Variants in GNAQ observed in about 807,000 individuals in gnomAD.
The protein encoded by GNAQ is guanine nucleotide-binding protein G(q) subunit alpha.
GNAQ carries 8 observed loss-of-function variants against 43.9 expected under a neutral mutation model. The observed-to-expected ratio is 0.18, with a 90% confidence interval of 0.11 to 0.33. The LOEUF (loss-of-function observed/expected upper bound fraction) is 0.33, where lower values mean the gene tolerates loss of function less well. Among genes scored for constraint, GNAQ ranks in the 10% least tolerant of loss-of-function variants. GNAQ has a pLI of 1.00. For synonymous variants in GNAQ, 155 were observed against 170.7 expected (o/e 0.91, Z 0.71); for missense variants, 158 against 450.8 (o/e 0.35, Z 5.88).
At chr9:77,989,833 AC>A (rs1823487223) in intron 1 of GNAQ, among the ~76,000 whole-genome samples, 1 of 152,224 alleles carries the variant, frequency 6.6e-6, no homozygotes, top group South Asian at 2.1e-4. Context: ...ATCTAGTATT[AC>A]AGCTGAAAGT....
intron 2 of GNAQ, among the ~76,000 whole-genome samples, chr9:77,864,219 G>A (rs1002111646): frequency 3.9e-4 from 59 of 149,856 alleles, no homozygotes; most frequent in African/African-American, 1.4e-3. Context: ...CTAACAGAGC[G>A]CGAATGCACT....
At chr9:77,751,456 G>A (rs1587897653) in intron 5 of GNAQ, among the ~76,000 whole-genome samples, 3 of 152,122 alleles carry the variant, frequency 2.0e-5, no homozygotes, top group South Asian at 4.1e-4. Flanking sequence ...TAATTTTCAC[G>A]TAATAAATTC....
intron 1 of GNAQ, among the ~76,000 whole-genome samples, chr9:78,009,558 T>C (rs1823748995): frequency 1.3e-5 from 2 of 152,218 alleles, no homozygotes; most frequent in Non-Finnish European, 2.9e-5. Context: ...CAACTGGAGA[T>C]ACAGAATGAC....
intron 1 of GNAQ, among the ~76,000 whole-genome samples, chr9:77,938,031 C>T (rs1213978659): frequency 3.3e-5 from 5 of 152,070 alleles, no homozygotes; most frequent in African/African-American, 9.7e-5. Flanking sequence ...ACCCCTCCAC[C>T]GATACCAAAA....
chr9:77,882,029 T>C (rs1828216811), intron 2 of GNAQ, among the ~76,000 whole-genome samples: 1 of 152,090 alleles, frequency 6.6e-6, no homozygotes, highest in East Asian at 1.9e-4. Flanking sequence ...TCCCAGTTAC[T>C]TGAGAGGCTG....
chr9:77,887,939 A>G (rs1828338958), intron 2 of GNAQ, among the ~76,000 whole-genome samples: 2 of 152,348 alleles, frequency 1.3e-5, no homozygotes, highest in East Asian at 1.9e-4. Context: ...CAATTATTCT[A>G]GATCAGTAGT....
chr9:77,761,333 C>T lies in GNAQ; in HGVS notation c.736-32666G>A, dbSNP rs1327331532. Among the ~76,000 whole-genome samples the T allele has an allele frequency of 8.3e-5, 11 of 132,650 alleles. No homozygotes were observed. In the South Asian group the frequency reaches 2.5e-3, roughly 30 times the overall value. 87.0% of individuals were successfully genotyped at this position (132,650 alleles called of 152,430 possible). ...ATCCGGGAGGGAGGTGGGGGGTCAG[C>T]CCCCCGCCCGGCCAGCCGCCCCGTC... On this transcript the variant is annotated intron_variant, in intron 5 of 6. Transcript: ENST00000286548.
intron 2 of GNAQ, among the ~76,000 whole-genome samples, chr9:77,821,775 T>C (rs1281553118): frequency 1.3e-5 from 2 of 150,540 alleles, no homozygotes; most frequent in Non-Finnish European, 3.0e-5. Context: ...GTATGCATTA[T>C]TAATACCACC....
intron 2 of GNAQ, among the ~76,000 whole-genome samples, chr9:77,850,649 C>A (rs1302214410): frequency 1.3e-5 from 2 of 152,222 alleles, no homozygotes; most frequent in Non-Finnish European, 2.9e-5. Context: ...ACCTCCCACT[C>A]TGTGCCTTTA....
chr9:77,939,956 A>G (rs1176312594), intron 1 of GNAQ, among the ~76,000 whole-genome samples: 2 of 152,208 alleles, frequency 1.3e-5, no homozygotes, highest in African/African-American at 2.4e-5. Flanking sequence ...CTGACACTTA[A>G]TGATTAGGGT....
chr9:77,930,586 G>T (rs1044316598), intron 1 of GNAQ, among the ~76,000 whole-genome samples: 6 of 151,972 alleles, frequency 3.9e-5, no homozygotes, highest in African/African-American at 7.3e-5. Flanking sequence ...TTTTATTCTA[G>T]GTTTCAAAGT....
intron 5 of GNAQ, among the ~76,000 whole-genome samples, chr9:77,733,110 A>G (rs1329014056): frequency 1.3e-5 from 2 of 152,136 alleles, no homozygotes; most frequent in African/African-American, 4.8e-5. Context: ...ACTGGGAAAC[A>G]TTCACTCCAA....
chr9:77,762,625 T>G (rs1444413200), intron 5 of GNAQ, among the ~76,000 whole-genome samples: 1 of 150,876 alleles, frequency 6.6e-6, no homozygotes, highest in Non-Finnish European at 1.5e-5. Context: ...GAACGGGCCA[T>G]GATGACAATG....
chr9:77,830,387 A>C (rs1036545997), intron 2 of GNAQ, among the ~76,000 whole-genome samples: 2 of 152,208 alleles, frequency 1.3e-5, no homozygotes, highest in African/African-American at 4.8e-5. Flanking sequence ...TGAGGAAGAC[A>C]AAGATAGTAA....
chr9:77,780,442 A>AT (rs34967331), intron 5 of GNAQ, among the ~76,000 whole-genome samples: 200 of 146,042 alleles, frequency 1.4e-3, no homozygotes, highest in East Asian at 5.2e-3. Context: ...ATAGGATTTC[A>AT]TTTTTTTTTT....
chr9:77,944,513 A>G (rs943058961), intron 1 of GNAQ, among the ~76,000 whole-genome samples: 4 of 152,280 alleles, frequency 2.6e-5, no homozygotes, highest in South Asian at 2.1e-4. Flanking sequence ...CTTACCATTC[A>G]GCAACCTCTG....
intron 2 of GNAQ, among the ~76,000 whole-genome samples, chr9:77,907,387 G>C (rs955323406): frequency 4.6e-5 from 7 of 152,152 alleles, no homozygotes; most frequent in African/African-American, 7.2e-5. Context: ...CAAAGAAAGG[G>C]AAATAAGGAA....
intron 1 of GNAQ, among the ~76,000 whole-genome samples, chr9:78,016,488 A>G (rs796109460): frequency 1.3e-5 from 2 of 152,138 alleles, no homozygotes; most frequent in South Asian, 4.1e-4. Flanking sequence ...GATCGAGACC[A>G]TCCTGGCTAA....
chr9:78,015,699 ATAAC>A (rs1051523335), intron 1 of GNAQ, among the ~76,000 whole-genome samples: 1 of 152,270 alleles, frequency 6.6e-6, no homozygotes, highest in African/African-American at 2.4e-5. Flanking sequence ...CTCAGAATAA[ATAAC>A]TAAGGTTGAA....
Sources: gnomAD v4.1 joint callset for allele counts (sites outside exome capture counted in the v4.1 genomes callset) on GRCh38, gnomAD v4.1.1 for gene constraint, MANE v1.5 for transcripts, NCBI Gene and HGNC (gene_info 2026-07-23, HGNC 2026-07-21) for gene names.